Variants in SIPA1L3 observed in about 807,000 individuals in gnomAD.
SIPA1L3 encodes signal-induced proliferation-associated 1-like protein 3.
Under a neutral mutation model 150.1 loss-of-function variants are expected in SIPA1L3, and 59 were observed. The ratio of observed to expected loss-of-function variants is 0.39; its 90% CI spans 0.32 to 0.49. SIPA1L3 has a LOEUF of 0.49. SIPA1L3 is among the 20% of genes least tolerant of loss of function. SIPA1L3 has a pLI of 0.86. For missense variants in SIPA1L3, 2,211 were observed against 2,489.5 expected (o/e 0.89, Z 2.38); for synonymous variants, 1,070 against 1,077.6 (o/e 0.99, Z 0.14).
chr19:38,206,450 A>C lies in SIPA1L3; in HGVS notation c.*210A>C, dbSNP rs1162204142. 1.8e-6 allele frequency: 1 copy of C among 566,394 alleles called. No homozygotes were observed. The highest frequency in any genetic ancestry group is 1.9e-5 in the African/African-American group (1 of 51,722). 35.1% of individuals were successfully genotyped at this position (566,394 alleles called of 1,614,324 possible). A position where few individuals can be genotyped will look rare whatever the true frequency, so the allele number is the denominator to read the frequency against. On this transcript the variant is annotated 3_prime_UTR_variant, in exon 22 of 22. Coordinates refer to ENST00000222345, the MANE Select transcript of SIPA1L3 (RefSeq NM_015073.3). ...ATGCCCCAGAGGGCGAAGTGGTCTC[A>C]GGCCTCCCTCCAAGCTGCCCAGCTG... is the stretch of plus-strand genomic sequence containing the variant.
chr19:38,032,480 AAAAC>A (rs1338160513), intron 2 of SIPA1L3, among the ~76,000 whole-genome samples: 1 of 152,238 alleles, frequency 6.6e-6, no homozygotes, highest in Non-Finnish European at 1.5e-5. Context: ...CAGGAATGAA[AAAAC>A]AAACTCCTTA....
chr19:38,119,406 G>A lies in SIPA1L3; in HGVS notation c.2392G>A (p.Ala798Thr). The A allele has an allele frequency of 1.9e-6, 3 of 1,614,122 alleles. No individual in the cohort carries two copies. Among genetic ancestry groups the A allele is most frequent in the Non-Finnish European group, 2.5e-6 (3 of 1,180,024 alleles). The change falls in exon 9 of 22, where the codon GCC (alanine) becomes ACC (threonine). Residue 798 changes from alanine to threonine, a missense_variant. By Grantham distance (58) the Ala-to-Thr change is moderately conservative. Around this residue, in one of 5 missense-constraint regions of SIPA1L3, gnomAD observed 625 missense variants for 804.2 expected, o/e 0.78. Transcript: ENST00000222345. Reference protein sequence around the residue: ...KSDVFRDFLLAKVINAENAAH... With the variant: ...KSDVFRDFLLTKVINAENAAH... ...CGACGTCTTCAGAGACTTCTTGCTG[G>A]CCAAGGTGATTAACGCTGAGAACGC... is the stretch of plus-strand genomic sequence containing the variant.
intron 15 of SIPA1L3, among the ~76,000 whole-genome samples, chr19:38,178,087 GT>G (rs1227304943): frequency 0.088 from 204 of 2,324 alleles, 2 homozygotes; most frequent in East Asian, 0.13. Context: ...CAGGCTTTTG[GT>G]GTGTGTGTGT....
At chr19:38,089,328 CAAA>C (rs55806031) in intron 4 of SIPA1L3, among the ~76,000 whole-genome samples, 2 of 64,286 alleles carry the variant, frequency 3.1e-5, no homozygotes, top group African/African-American at 5.1e-5. Context: ...GACTGTGTCT[CAAA>C]AAAAAAAAAA....
intron 1 of SIPA1L3, among the ~76,000 whole-genome samples, chr19:37,913,444 C>T (rs2046391806): frequency 1.3e-5 from 2 of 152,152 alleles, no homozygotes; most frequent in Non-Finnish European, 2.9e-5. Context: ...GTCTCGCTGT[C>T]ACCCAGGCTG....
In SIPA1L3 at chr19:38,192,236, T is replaced by G; in HGVS notation, c.4522T>G (p.Ser1508Ala). 1 of 1,613,220 alleles carries G rather than the reference T, an allele frequency of 6.2e-7. No individual in the cohort carries two copies. The highest frequency in any genetic ancestry group is 8.5e-7 in the Non-Finnish European group (1 of 1,179,724). ...DLRSPRKNYK[S>A]TIEDDLKKLI... ...CCGGTCACCACGGAAGAACTACAAA[T>G]CCACCATCGAGGATGACCTGAAGAA... The change falls in exon 17 of 22, where the codon TCC becomes GCC. Residue 1508 changes from serine to alanine, a missense_variant. By Grantham distance (99) the Ser-to-Ala change is moderately conservative. Transcript: ENST00000222345.
chr19:38,175,528 T>C (rs1972417847), intron 15 of SIPA1L3, among the ~76,000 whole-genome samples: 1 of 152,162 alleles, frequency 6.6e-6, no homozygotes. Context: ...GGTTAATGCA[T>C]AGCTCTCTGG....
intron 1 of SIPA1L3, among the ~76,000 whole-genome samples, chr19:37,982,126 A>C (rs2145616564): frequency 6.6e-6 from 1 of 152,352 alleles, no homozygotes; most frequent in South Asian, 2.1e-4. Context: ...ACAGTTGTAA[A>C]GGTTCTCGAA....
At chr19:38,186,733 G>A (rs1972687953) in intron 16 of SIPA1L3, among the ~76,000 whole-genome samples, 1 of 150,230 alleles carries the variant, frequency 6.7e-6, no homozygotes, top group Non-Finnish European at 1.5e-5. Context: ...GCTCATGCCT[G>A]TAATCCCAGC....
intron 1 of SIPA1L3, among the ~76,000 whole-genome samples, chr19:37,925,139 C>T (rs1438003362): frequency 6.6e-6 from 1 of 152,082 alleles, no homozygotes; most frequent in East Asian, 1.9e-4. Context: ...TTTATTTACA[C>T]CAACACCACG....
chr19:37,978,363 A>G (rs1460031961), intron 1 of SIPA1L3, among the ~76,000 whole-genome samples: 4 of 152,218 alleles, frequency 2.6e-5, no homozygotes, highest in Non-Finnish European at 5.9e-5. Flanking sequence ...ACTTTTCCCC[A>G]TGAATGACTC....
intron 1 of SIPA1L3, among the ~76,000 whole-genome samples, chr19:37,935,572 G>T (rs755730003): frequency 6.6e-6 from 1 of 152,192 alleles, no homozygotes; most frequent in African/African-American, 2.4e-5. Flanking sequence ...TCTTCTGCTG[G>T]TCTTGCTTGG....
At chr19:38,020,889 C>T (rs12972415) in intron 1 of SIPA1L3, among the ~76,000 whole-genome samples, 1 of 151,946 alleles carries the variant, frequency 6.6e-6, no homozygotes. Context: ...CTCACTGCAA[C>T]CTCTGCCTCC....
At chr19:38,194,103 C>A (rs553540252) in intron 18 of SIPA1L3, among the ~76,000 whole-genome samples, 7 of 152,122 alleles carry the variant, frequency 4.6e-5, no homozygotes, top group African/African-American at 1.7e-4. Flanking sequence ...AGCTGTTGCC[C>A]TAGCACCCCC....
At chr19:38,080,009 G>A (rs1307813385) in intron 2 of SIPA1L3, among the ~76,000 whole-genome samples, 9 of 152,204 alleles carry the variant, frequency 5.9e-5, no homozygotes, top group Admixed American at 5.9e-4. Context: ...GGAGAGACAT[G>A]GAAGCCAGAT....
chr19:38,132,087 C>T (rs1971324313), intron 10 of SIPA1L3, among the ~76,000 whole-genome samples: 1 of 151,228 alleles, frequency 6.6e-6, no homozygotes, highest in East Asian at 2.0e-4. Context: ...TGCATCTCTG[C>T]CTAAAGGAGA....
chr19:38,194,464 T>C (rs1320826422), intron 18 of SIPA1L3, among the ~76,000 whole-genome samples: 2 of 152,102 alleles, frequency 1.3e-5, no homozygotes, highest in Non-Finnish European at 2.9e-5. Context: ...TTAGGGTCCA[T>C]AGTCCCCCTA....
chr19:38,110,117 G>GCC (rs1970704196), intron 7 of SIPA1L3, 110 bp from the exon 8 acceptor site: 1 of 1,034,666 alleles, frequency 9.7e-7, no homozygotes, highest in Non-Finnish European at 1.5e-6. Flanking sequence ...CTGTGTGTGA[G>GCC]CAGGGAGTGG....
chr19:38,136,791 T>A (rs1312998131), intron 10 of SIPA1L3, among the ~76,000 whole-genome samples: 1 of 152,212 alleles, frequency 6.6e-6, no homozygotes, highest in East Asian at 1.9e-4. Flanking sequence ...ATTTCGATGA[T>A]GATCATTTTC....
Sources: gnomAD v4.1 joint callset for allele counts (sites outside exome capture counted in the v4.1 genomes callset) on GRCh38, gnomAD v4.1.1 for gene constraint, gnomAD v4.1.1 regional missense constraint, MANE v1.5 for transcripts, NCBI Gene and HGNC (gene_info 2026-07-23, HGNC 2026-07-21) for gene names.